Variants in EDA observed in about 807,000 individuals in gnomAD.
The protein encoded by EDA is ectodysplasin A.
EDA carries 2 observed loss-of-function variants against 23.6 expected under a neutral mutation model. The ratio of observed to expected loss-of-function variants is 0.08; its 90% confidence interval spans 0.03 to 0.27. The LOEUF (loss-of-function observed/expected upper bound fraction) is 0.27. Ranked by LOEUF, EDA falls within the 10% of genes least tolerant of loss-of-function variation. The pLI, the probability that EDA is intolerant of heterozygous loss-of-function variation, is 1.00. For missense variants in EDA, 229 were observed against 324.2 expected, an observed-to-expected ratio of 0.71 and a Z score of 2.26; for synonymous variants, 131 against 132.0, an observed-to-expected ratio of 0.99 and a Z score of 0.05.
At chrX:69,658,418 A>G (rs1233981467) in intron 1 of EDA, among the ~76,000 whole-genome samples, 3 of 110,772 alleles carry the variant, frequency 2.7e-5, no homozygotes, top group Non-Finnish European at 5.7e-5. Flanking sequence ...TAGGTATTGA[A>G]TCATATTGTC....
chrX:69,811,197 A>G, intron 1 of EDA, among the ~76,000 whole-genome samples: 1 of 112,251 alleles, frequency 8.9e-6, no homozygotes, highest in Middle Eastern at 4.6e-3. Context: ...AATGGGGACC[A>G]AGGCCTCATT....
rs781197702 is a variant in EDA, at chrX:70,032,264, GA to G, written c.794-1120del. ...ACAGAGTGAGTGACAGTCCATCTCA[GA>G]AAAAAAAAAAAAAGAAGAAGAAGTG... is the stretch of plus-strand genomic sequence containing the variant. On this transcript the variant is annotated intron_variant, in intron 6 of 7. Transcript: ENST00000374552. 2.7e-3 allele frequency among the ~76,000 whole-genome samples: 247 copies of G among 89,966 alleles called. 3 individuals are homozygous for G. The Middle Eastern group carries it at 0.029, about 11-fold the overall frequency. The allele number at this position is 89,966 out of a possible 115,157, so 78.1% of individuals were successfully genotyped here. A position where few individuals can be genotyped will look rare whatever the true frequency, so the allele number is the denominator to read the frequency against.
At chrX:69,799,786 C>A in intron 1 of EDA, among the ~76,000 whole-genome samples, 1 of 92,722 alleles carries the variant, frequency 1.1e-5, no homozygotes, top group African/African-American at 4.0e-5. Context: ...TTAGCACAGC[C>A]ATTGTCAAAA....
At chrX:69,741,253 A>G (rs992531732) in intron 1 of EDA, among the ~76,000 whole-genome samples, 1 of 111,017 alleles carries the variant, frequency 9.0e-6, no homozygotes, top group Non-Finnish European at 1.9e-5. Flanking sequence ...CACTTTACCC[A>G]TTCTTTGCAT....
chrX:69,802,399 A>G (rs934184324), intron 1 of EDA, among the ~76,000 whole-genome samples: 4 of 110,163 alleles, frequency 3.6e-5, no homozygotes, highest in Admixed American at 2.0e-4. Flanking sequence ...AAAATTATAA[A>G]CAAATTCAAG....
intron 1 of EDA, among the ~76,000 whole-genome samples, chrX:69,853,722 A>C (rs1209256224): frequency 8.9e-6 from 1 of 112,466 alleles, no homozygotes; most frequent in Non-Finnish European, 1.9e-5. Flanking sequence ...AGCCAGAAGA[A>C]ATTGTGATAG....
chrX:69,832,086 G>T (rs763547706), intron 1 of EDA, among the ~76,000 whole-genome samples: 1 of 111,371 alleles, frequency 9.0e-6, no homozygotes, highest in Non-Finnish European at 1.9e-5. Context: ...CATTACTTTT[G>T]GTGTTTCAGT....
At chrX:69,625,839 T>A (rs1323002761) in intron 1 of EDA, among the ~76,000 whole-genome samples, 9 of 110,238 alleles carry the variant, frequency 8.2e-5, no homozygotes, top group Non-Finnish European at 1.7e-4. Context: ...GAAACTTTTT[T>A]TTTTTTTCAA....
At chrX:69,797,588 G>A (rs1340088517) in intron 1 of EDA, among the ~76,000 whole-genome samples, 2 of 111,534 alleles carry the variant, frequency 1.8e-5, no homozygotes, top group Non-Finnish European at 3.8e-5. Flanking sequence ...TCTCAAGGGA[G>A]TCCTAAACCT....
At chrX:69,688,254 G>C (rs1319059604) in intron 1 of EDA, among the ~76,000 whole-genome samples, 3 of 111,603 alleles carry the variant, frequency 2.7e-5, no homozygotes, top group African/African-American at 9.8e-5. Flanking sequence ...GGAAAGAAAA[G>C]ACAATTAGTA....
chrX:69,900,462 A>T (rs1188000608), intron 1 of EDA, among the ~76,000 whole-genome samples: 1 of 108,096 alleles, frequency 9.3e-6, no homozygotes, highest in Non-Finnish European at 1.9e-5. Context: ...TATCATAAAA[A>T]TATATATCAT....
At chrX:69,663,499 G>T (rs1245776170) in intron 1 of EDA, among the ~76,000 whole-genome samples, 3 of 112,685 alleles carry the variant, frequency 2.7e-5, no homozygotes, top group Non-Finnish European at 3.8e-5. Context: ...TTCAGAGGAT[G>T]TATGGAAATG....
chrX:69,625,626 T>C (rs1932354235), intron 1 of EDA, among the ~76,000 whole-genome samples: 1 of 110,817 alleles, frequency 9.0e-6, no homozygotes, highest in Non-Finnish European at 1.9e-5. Flanking sequence ...GATATCCACA[T>C]GCAAAAAAGA....
At chrX:69,695,170 AT>A (rs2011291081) in intron 1 of EDA, among the ~76,000 whole-genome samples, 1 of 110,544 alleles carries the variant, frequency 9.0e-6, no homozygotes, top group Non-Finnish European at 1.9e-5. Context: ...AAATATAAAA[AT>A]TAGCCAAGTG....
intron 1 of EDA, among the ~76,000 whole-genome samples, chrX:69,719,635 G>A (rs913495523): frequency 1.0e-4 from 11 of 110,358 alleles, no homozygotes; most frequent in African/African-American, 3.6e-4. Flanking sequence ...CTTCATTTAG[G>A]ATAATGGCCT....
intron 1 of EDA, among the ~76,000 whole-genome samples, chrX:69,661,108 A>T (rs1933485861): frequency 9.1e-6 from 1 of 109,347 alleles, no homozygotes; most frequent in Non-Finnish European, 1.9e-5. Context: ...GATGATGAGC[A>T]TTTTTTCATG....
intron 1 of EDA, among the ~76,000 whole-genome samples, chrX:69,804,794 A>G (rs1306438762): frequency 1.8e-5 from 2 of 111,692 alleles, no homozygotes; most frequent in Non-Finnish European, 3.8e-5. Flanking sequence ...CAAAATAAAT[A>G]TATAGTTATT....
chrX:70,035,688 G>C lies in EDA; in HGVS notation c.*79G>C, dbSNP rs1327548336. ...ACTCCCAGAACCTCTAAGTGCTGCT[G>C]TGGAGTGAGGTGTATTGGTGTTGCA... On this transcript the variant is annotated 3_prime_UTR_variant, in exon 8 of 8. Transcript: ENST00000374552. 1.8e-6 allele frequency: 2 copies of C among 1,098,312 alleles called. No individual in the cohort carries two copies. Among genetic ancestry groups the C allele is most frequent in the African/African-American group, 3.7e-5 (2 of 53,566 alleles). The allele number at this position is 1,098,312 out of a possible 1,213,427, so 90.5% of individuals were successfully genotyped here. A position where few individuals can be genotyped will look rare whatever the true frequency, so the allele number is the denominator to read the frequency against.
In EDA at chrX:69,749,938, T is replaced by C. The variant is rs1329934403; in HGVS notation, c.396+133234T>C. Among the ~76,000 whole-genome samples the C allele has an allele frequency of 2.0e-4, 21 of 102,518 alleles. No homozygotes were observed. In the East Asian group the frequency reaches 2.7e-3, roughly 13 times the overall value. 89.0% of individuals were successfully genotyped at this position (102,518 alleles called of 115,157 possible). A position where few individuals can be genotyped will look rare whatever the true frequency, so the allele number is the denominator to read the frequency against. On this transcript the variant is annotated intron_variant, in intron 1 of 7. Transcript: ENST00000374552. ...ACTAAGGTTCTTTTTTTTTTTTTTT[T>C]TTTTTTTTTTTGGTTGGGGAGAGGG...
Sources: gnomAD v4.1 joint callset for allele counts (sites outside exome capture counted in the v4.1 genomes callset) on GRCh38, gnomAD v4.1.1 for gene constraint, MANE v1.5 for transcripts, NCBI Gene and HGNC (gene_info 2026-07-23, HGNC 2026-07-21) for gene names.